The following NFKB1 variants were observed in gnomAD, a reference collection of about 807,000 sequenced individuals.
The protein encoded by NFKB1 is nuclear factor NF-kappa-B p105 subunit.
Under a neutral mutation model 105.1 loss-of-function variants are expected in NFKB1, and 9 were observed. That is an observed-to-expected ratio of 0.09 (90% confidence interval 0.05 to 0.15). The LOEUF (loss-of-function observed/expected upper bound fraction) is 0.15. Ranked by LOEUF, NFKB1 falls within the 10% of genes least tolerant of loss-of-function variation. NFKB1 has a pLI of 1.00. For synonymous variants in NFKB1, 440 were observed against 442.2 expected (o/e 1.00, Z 0.06); for missense variants, 830 against 1,203.7 (o/e 0.69, Z 4.59).
At chr4:102,558,268 A>G (rs1316130278) in intron 5 of NFKB1, among the ~76,000 whole-genome samples, 1 of 151,912 alleles carries the variant, frequency 6.6e-6, no homozygotes, top group Non-Finnish European at 1.5e-5. Flanking sequence ...TTTAGCTCCC[A>G]CTTATAAGTG....
chr4:102,590,281 A>C (rs1726064251), intron 11 of NFKB1, among the ~76,000 whole-genome samples: 1 of 152,236 alleles, frequency 6.6e-6, no homozygotes, highest in South Asian at 2.1e-4. Context: ...GTTCAAAAAC[A>C]TTCAGCAGCT....
chr4:102,554,207 G>C (rs971886550), intron 5 of NFKB1, among the ~76,000 whole-genome samples: 4 of 152,112 alleles, frequency 2.6e-5, no homozygotes, highest in African/African-American at 9.7e-5. Flanking sequence ...AGTACCTGGT[G>C]ACTAGAACTC....
intron 1 of NFKB1, among the ~76,000 whole-genome samples, chr4:102,505,051 G>A (rs149755101): frequency 2.0e-5 from 3 of 152,314 alleles, no homozygotes; most frequent in African/African-American, 7.2e-5. Context: ...TAATGATGAT[G>A]AAATTGCTTC....
intron 19 of NFKB1, 57 bp from the exon 20 acceptor site, chr4:102,610,517 GC>G (rs1332948904): frequency 1.2e-4 from 196 of 1,574,836 alleles, no homozygotes; most frequent in Middle Eastern, 8.4e-4. Context: ...ACCTTTGCAG[GC>G]AGTTGGAAGT....
At chr4:102,568,392 G>A (rs1477211008) in intron 6 of NFKB1, among the ~76,000 whole-genome samples, 1 of 152,268 alleles carries the variant, frequency 6.6e-6, no homozygotes, top group South Asian at 2.1e-4. Flanking sequence ...AGACTGGCGT[G>A]TCTCCTGTTG....
intron 19 of NFKB1, among the ~76,000 whole-genome samples, chr4:102,607,999 A>C (rs141698724): frequency 2.5e-3 from 380 of 152,234 alleles, no homozygotes; most frequent in African/African-American, 8.9e-3. Flanking sequence ...TTGGGGTTTG[A>C]TTGTTTAGAT....
At position 102,578,868 on chromosome 4, in the gene NFKB1, T is replaced by C. The variant is rs771085207; in HGVS notation, c.572-13T>C. The C allele has an allele frequency of 1.9e-6, 3 of 1,613,726 alleles. No homozygotes were observed. The highest frequency in any genetic ancestry group is 2.5e-6 in the Non-Finnish European group (3 of 1,179,760). Reference sequence around the variant, plus strand: ...TTCCCTGGGCATGAATGGACTGTGCTGTATGGCCCTAGATCGGGAAAAAGA... The same window carrying C: ...TTCCCTGGGCATGAATGGACTGTGCCGTATGGCCCTAGATCGGGAAAAAGA... On this transcript the variant is annotated splice_polypyrimidine_tract_variant and intron_variant, in intron 7 of 23. Coordinates refer to ENST00000226574, the MANE Select transcript of NFKB1 (RefSeq NM_003998.4).
At chr4:102,559,675 C>T (rs911287892) in intron 5 of NFKB1, among the ~76,000 whole-genome samples, 1 of 152,032 alleles carries the variant, frequency 6.6e-6, no homozygotes, top group African/African-American at 2.4e-5. Context: ...GGCACAGTGG[C>T]TCATGCCAGT....
At chr4:102,566,886 CTT>C in intron 5 of NFKB1, 99 bp from the exon 6 acceptor site, 2 of 1,223,822 alleles carry the variant, frequency 1.6e-6, no homozygotes, top group South Asian at 2.8e-5. Flanking sequence ...ATATGAATAA[CTT>C]TATATTGTAC....
intron 11 of NFKB1, among the ~76,000 whole-genome samples, chr4:102,590,325 G>A (rs1021501037): frequency 1.3e-5 from 2 of 152,144 alleles, no homozygotes; most frequent in Non-Finnish European, 2.9e-5. Context: ...CGGGTGCTCC[G>A]CAGTGTTGTC....
intron 5 of NFKB1, among the ~76,000 whole-genome samples, chr4:102,549,322 T>C (rs1722389133): frequency 6.6e-6 from 1 of 150,584 alleles, no homozygotes; most frequent in Non-Finnish European, 1.5e-5. Flanking sequence ...ATTTCCTTCC[T>C]CTCATGGTGT....
intron 10 of NFKB1, among the ~76,000 whole-genome samples, chr4:102,583,158 A>AT (rs969976733): frequency 3.2e-4 from 48 of 151,704 alleles, no homozygotes; most frequent in Non-Finnish European, 3.1e-4. Flanking sequence ...CTTCAGTTTT[A>AT]TTTTTTTTGT....
rs1412371234 is a variant in NFKB1, at chr4:102,520,130, T to C, written c.-7-5382T>C. Among the ~76,000 whole-genome samples the C allele has an allele frequency of 2.6e-5, 4 of 152,136 alleles. No individual in the cohort carries two copies. In the South Asian group the frequency reaches 8.3e-4, roughly 32 times the overall value. On this transcript the variant is annotated intron_variant, in intron 1 of 23. Transcript: ENST00000226574. ...CCTATCCAGCTGTGACAGGCAAAAATGTCTTCAAACGTTGCCAAATGACCC... is the reference window on the plus strand; with the variant it reads ...CCTATCCAGCTGTGACAGGCAAAAACGTCTTCAAACGTTGCCAAATGACCC...
intron 23 of NFKB1, among the ~76,000 whole-genome samples, chr4:102,615,044 A>T (rs531174178): frequency 1.3e-5 from 2 of 152,130 alleles, no homozygotes; most frequent in South Asian, 4.2e-4. Flanking sequence ...CACGGCTCCT[A>T]CTCAGTCCCC....
In NFKB1 at chr4:102,610,613, G is replaced by A; in HGVS notation, c.2266G>A (p.Asp756Asn). 2 of 1,613,956 alleles carry A rather than the reference G, an allele frequency of 1.2e-6. No homozygotes were observed. Among genetic ancestry groups the A allele is most frequent in the Non-Finnish European group, 1.7e-6 (2 of 1,179,942 alleles). ...PLVENFEPLY[D>N]LDDSWENAGE... ...GGTGGAGAACTTTGAGCCTCTCTAT[G>A]ACCTGGATGACTCTTGGGAAAATGC... The change falls in exon 20 of 24, where the codon GAC (aspartate) becomes AAC (asparagine). Residue 756 changes from aspartate (D) to asparagine (N), a missense_variant. Coordinates refer to ENST00000226574, the MANE Select transcript of NFKB1 (RefSeq NM_003998.4).
intron 16 of NFKB1, among the ~76,000 whole-genome samples, chr4:102,602,697 T>C (rs1727290464): frequency 6.6e-6 from 1 of 152,210 alleles, no homozygotes; most frequent in Non-Finnish European, 1.5e-5. Flanking sequence ...AAGTCACCAT[T>C]AGGCTTCTTC....
At chr4:102,580,745 T>A (rs1725256720) in intron 9 of NFKB1, 106 bp downstream of exon 9, 2 of 783,898 alleles carry the variant, frequency 2.6e-6, no homozygotes, top group Non-Finnish European at 4.1e-6. Context: ...GAAACATCCC[T>A]CTGCTGCCAC....
intron 5 of NFKB1, among the ~76,000 whole-genome samples, chr4:102,559,662 C>T (rs1300049233): frequency 6.6e-6 from 1 of 151,924 alleles, no homozygotes; most frequent in African/African-American, 2.4e-5. Flanking sequence ...AGAAAAGAGG[C>T]CAGGCACAGT....
At chr4:102,569,950 A>G (rs561257946) in intron 6 of NFKB1, among the ~76,000 whole-genome samples, 141 of 152,246 alleles carry the variant, frequency 9.3e-4, no homozygotes, top group Non-Finnish European at 1.6e-3. Flanking sequence ...GGTAAAAAAT[A>G]ATAATAATAA....
Sources: gnomAD v4.1 joint callset for allele counts (sites outside exome capture counted in the v4.1 genomes callset) on GRCh38, gnomAD v4.1.1 for gene constraint, MANE v1.5 for transcripts, NCBI Gene and HGNC (gene_info 2026-07-23, HGNC 2026-07-21) for gene names.